HBP1: variants seen among roughly 807,000 people sequenced by gnomAD.
HBP1 encodes HMG-box transcription factor 1.
Under a neutral mutation model 62.6 loss-of-function variants are expected in HBP1, and 20 were observed. The ratio of observed to expected loss-of-function variants is 0.32; its 90% CI spans 0.22 to 0.46. HBP1 has a LOEUF of 0.46. Among genes scored for constraint, HBP1 ranks in the 20% least tolerant of loss-of-function variants. HBP1 has a pLI of 1.00. For missense variants in HBP1, 480 were observed against 611.8 expected (o/e 0.78, Z 2.27); for synonymous variants, 232 against 206.2 (o/e 1.12, Z -1.07).
chr7:107,170,632 G>T (rs1447444551), intron 1 of HBP1, among the ~76,000 whole-genome samples: 1 of 152,060 alleles, frequency 6.6e-6, no homozygotes, highest in Non-Finnish European at 1.5e-5. Context: ...CCACTTTAAA[G>T]CAAAATATTG....
Position 107,196,171 on chromosome 7 carries a change from T to A in HBP1, c.1385+20T>A, listed in dbSNP as rs558594358. ...TAACAGGTAAAAATAGTGATAATTCTGATTACAATAAATGAGTAACACTTC... is the reference window on the plus strand; with the variant it reads ...TAACAGGTAAAAATAGTGATAATTCAGATTACAATAAATGAGTAACACTTC... On this transcript the variant is annotated intron_variant, in intron 9 of 10. Coordinates refer to ENST00000222574, the MANE Select transcript of HBP1 (RefSeq NM_012257.4). 6 of 1,344,318 alleles carry A rather than the reference T, an allele frequency of 4.5e-6. No individual in the cohort carries two copies. In the South Asian group the frequency reaches 7.1e-5, roughly 16 times the overall value. 83.3% of individuals were successfully genotyped at this position (1,344,318 alleles called of 1,614,324 possible).
At chr7:107,201,240 C>T (rs1478468089) in intron 10 of HBP1, 174 bp from the exon 11 acceptor site, 2 of 466,226 alleles carry the variant, frequency 4.3e-6, no homozygotes, top group African/African-American at 4.0e-5. Context: ...TCATTGCATA[C>T]ATTTTCTGGA....
chr7:107,201,347 C>A, intron 10 of HBP1, 67 bp from the exon 11 acceptor site: 1 of 908,002 alleles, frequency 1.1e-6, no homozygotes, highest in Non-Finnish European at 1.8e-6. Flanking sequence ...TACATCTTAG[C>A]TTTCATATAT....
Position 107,200,164 on chromosome 7 carries a change from A to C in HBP1, c.1390A>C (p.Ile464Leu). ...GTGTAAATATTTATTTTACAGAGCC[A>C]TAAGTGTGATCCTTGGTGACAGGTG... ...QMYPGKDNRAISVILGDRWKK... is the reference protein window; with the variant it reads ...QMYPGKDNRALSVILGDRWKK... The change falls in exon 10 of 11, where the codon ATA (isoleucine) becomes CTA (leucine). Residue 464 changes from isoleucine (I) to leucine (L), a missense_variant. This residue lies in a region of HBP1 where 52 missense variants were observed against 96.0 expected (regional missense o/e 0.54). Transcript: ENST00000222574. The C allele has an allele frequency of 6.2e-7, 1 of 1,601,616 alleles. No individual in the cohort carries two copies. The highest frequency in any genetic ancestry group is 8.5e-7 in the Non-Finnish European group (1 of 1,174,118).
intron 10 of HBP1, 59 bp downstream of exon 10, chr7:107,200,360 C>T (rs1326702254): frequency 1.4e-6 from 2 of 1,413,306 alleles, no homozygotes; most frequent in Non-Finnish European, 9.8e-7. Context: ...GGTGTACTGG[C>T]ATGTTGGAGC....
intron 1 of HBP1, among the ~76,000 whole-genome samples, chr7:107,172,852 A>C (rs1301164363): frequency 6.6e-6 from 1 of 152,108 alleles, no homozygotes; most frequent in African/African-American, 2.4e-5. Context: ...TTGGTCTCCC[A>C]AAGTGCTGGC....
rs1798391829 is a variant in HBP1 at position 107,202,311 on chromosome 7, A to AGTCTTCC, written c.*880_*881insGTCTTCC. On this transcript the variant is annotated 3_prime_UTR_variant, in exon 11 of 11. Transcript: ENST00000222574. Reference sequence around the variant, plus strand: ...CACTTTAATTTTCCTCCAACTGTCTAAAATTAGAGCAAATACATTGGCAAT... The same window carrying AGTCTTCC: ...CACTTTAATTTTCCTCCAACTGTCTAGTCTTCCAAATTAGAGCAAATACATTGGCAAT... The AGTCTTCC allele has an allele frequency of 1.3e-5, 2 of 152,628 alleles. No individual in the cohort carries two copies. Among genetic ancestry groups the AGTCTTCC allele is most frequent in the Non-Finnish European group, 2.9e-5 (2 of 68,030 alleles). 9.5% of individuals were successfully genotyped at this position (152,628 alleles called of 1,614,324 possible).
Position 107,195,981 on chromosome 7 carries a change from A to G in HBP1, c.1215A>G (p.Ser405=). Residue 405 remains serine, a synonymous_variant, in exon 9 of 11, where the codon TCA becomes TCG. Coordinates refer to ENST00000222574, the MANE Select transcript of HBP1 (RefSeq NM_012257.4). ...GFSKNCGSPG[S]SQLSSNSLYA... is the part of the protein sequence containing the mutation. ...GTAAAAACTGTGGCTCACCTGGATCATCACAGCTCTCTTCCAATTCTTTGT... is the reference window on the plus strand; with the variant it reads ...GTAAAAACTGTGGCTCACCTGGATCGTCACAGCTCTCTTCCAATTCTTTGT... 6.2e-7 allele frequency: 1 copy of G among 1,614,156 alleles called. No individual in the cohort carries two copies. Among genetic ancestry groups the G allele is most frequent in the South Asian group, 1.1e-5 (1 of 91,086 alleles).
In HBP1 at chr7:107,179,980, T is replaced by TG; in HGVS notation, c.88dup (p.Asp30GlyfsTer9). ...TGGACAAGAGAGCCTCAGGAATGAA[T>TG]GACTCATTGGAGTTGCTGCAGTGTA... On this transcript the variant is annotated frameshift_variant, in exon 2 of 11. Coordinates refer to ENST00000222574, the MANE Select transcript of HBP1 (RefSeq NM_012257.4). LOFTEE classifies it high-confidence loss of function. The TG allele has an allele frequency of 6.2e-7, 1 of 1,611,774 alleles. No individual in the cohort carries two copies. Among genetic ancestry groups the TG allele is most frequent in the Non-Finnish European group, 8.5e-7 (1 of 1,178,046 alleles).
chr7:107,186,156 C>CTTTTTTTTTTTTT (rs946488645), intron 4 of HBP1, among the ~76,000 whole-genome samples: 4 of 127,272 alleles, frequency 3.1e-5, no homozygotes, highest in Admixed American at 1.6e-4. Context: ...TCTTTTTTTT[C>CTTTTTTTTTTTTT]TTTTTTTTTC....
At chr7:107,179,791 A>G (rs1797025775) in intron 1 of HBP1, 88 bp from the exon 2 acceptor site, 1 of 816,876 alleles carries the variant, frequency 1.2e-6, no homozygotes, top group Non-Finnish European at 1.9e-6. Context: ...ACAAAACAAC[A>G]TTGTCATGTC....
intron 10 of HBP1, 179 bp downstream of exon 10, chr7:107,200,480 G>A: frequency 2.3e-6 from 1 of 438,608 alleles, no homozygotes; most frequent in Non-Finnish European, 4.0e-6. Flanking sequence ...TTCCTCAAGG[G>A]TCATTTACTC....
Position 107,202,268 on chromosome 7 carries a change from A to AATTTCCCCTC in HBP1, c.*837_*838insATTTCCCCTC, listed in dbSNP as rs1798386203. Reference sequence around the variant, plus strand: ...TATGGTGGGGGCAGACTTTGCACTTACTGCAGTGCAACACTTGCACTTTAA... The same window carrying AATTTCCCCTC: ...TATGGTGGGGGCAGACTTTGCACTTAATTTCCCCTCCTGCAGTGCAACACTTGCACTTTAA... On this transcript the variant is annotated 3_prime_UTR_variant, in exon 11 of 11. Coordinates refer to ENST00000222574, the MANE Select transcript of HBP1 (RefSeq NM_012257.4). The AATTTCCCCTC allele has an allele frequency of 2.0e-5, 3 of 152,664 alleles. No individual in the cohort carries two copies. Among genetic ancestry groups the AATTTCCCCTC allele is most frequent in the Non-Finnish European group, 4.4e-5 (3 of 68,042 alleles). 9.5% of individuals were successfully genotyped at this position (152,664 alleles called of 1,614,324 possible). A position where few individuals can be genotyped will look rare whatever the true frequency, so the allele number is the denominator to read the frequency against.
intron 1 of HBP1, chr7:107,169,737 T>C (rs1478117344): frequency 2.0e-6 from 2 of 984,132 alleles, no homozygotes; most frequent in South Asian, 4.7e-5. Context: ...ATGAATGGGC[T>C]CCCAGGCGCC....
Position 107,179,908 on chromosome 7 carries a change from G to A in HBP1, c.15G>A (p.Val5=). 1 of 1,593,914 alleles carries A rather than the reference G, an allele frequency of 6.3e-7. No individual in the cohort carries two copies. The highest frequency in any genetic ancestry group is 8.6e-7 in the Non-Finnish European group (1 of 1,163,808). ...AGCACCATAACATGGTGTGGGAAGT[G>A]AAGACAAATCAGATGCCTAATGCAG... The part of the protein sequence containing the change: MVWE[V]KTNQMPNAVQ... The change falls in exon 2 of 11, where the codon GTG becomes GTA. Residue 5 remains valine (V), a synonymous_variant. Transcript: ENST00000222574.
intron 1 of HBP1, among the ~76,000 whole-genome samples, chr7:107,174,281 T>TA (rs1350709365): frequency 6.6e-6 from 1 of 152,208 alleles, no homozygotes; most frequent in Non-Finnish European, 1.5e-5. Flanking sequence ...AGCTTTACAG[T>TA]AGCAGAACTT....
At position 107,185,870 on chromosome 7, in the gene HBP1, C is replaced by G. The variant is rs910129292; in HGVS notation, c.468C>G (p.Ser156=). Residue 156 remains serine, a synonymous_variant, in exon 4 of 11, where the codon TCC becomes TCG. Coordinates refer to ENST00000222574, the MANE Select transcript of HBP1 (RefSeq NM_012257.4). ...CCTATGCACGCCCTCCACCAGTGTC[C>G]TCTTCTTCGAAGAGTGAACCAGCCT... ...LHSYARPPPV[S]SSSKSEPAFP... 1 of 1,612,528 alleles carries G rather than the reference C, an allele frequency of 6.2e-7. No homozygotes were observed. The highest frequency in any genetic ancestry group is 2.2e-5 in the East Asian group (1 of 44,876).
Position 107,169,155 on chromosome 7 carries a change from CCG to C in HBP1, c.-42_-41del. 1 of 1,173,678 alleles carries C rather than the reference CCG, an allele frequency of 8.5e-7. No homozygotes were observed. Among genetic ancestry groups the C allele is most frequent in the South Asian group, 1.5e-5 (1 of 65,818 alleles). The allele number at this position is 1,173,678 out of a possible 1,614,324, so 72.7% of individuals were successfully genotyped here. On this transcript the variant is annotated 5_prime_UTR_variant, in exon 1 of 11. Transcript: ENST00000222574. ...GTGGTGTTGTCGTGGCCGGAGCGGC[CCG>C]CGCCTGGGCTGCCGGCACTTCGCGG... is the stretch of plus-strand genomic sequence containing the variant.
In HBP1 at chr7:107,169,028, G is replaced by C. The variant is rs1350768196; in HGVS notation, c.-173G>C. The C allele has an allele frequency of 3.9e-6, 5 of 1,289,010 alleles. No homozygotes were observed. Among genetic ancestry groups the C allele is most frequent in the South Asian group, 2.5e-5 (2 of 80,942 alleles). 79.8% of individuals were successfully genotyped at this position (1,289,010 alleles called of 1,614,324 possible). ...AGACTTGGTAATGGCGACGGGTTTG[G>C]TAAGTAGGAAAGTTTCGGTTGAGGA... On this transcript the variant is annotated 5_prime_UTR_variant, in exon 1 of 11. Transcript: ENST00000222574.
Sources: gnomAD v4.1 joint callset for allele counts (sites outside exome capture counted in the v4.1 genomes callset) on GRCh38, gnomAD v4.1.1 for gene constraint, gnomAD v4.1.1 regional missense constraint, MANE v1.5 for transcripts, NCBI Gene and HGNC (gene_info 2026-07-23, HGNC 2026-07-21) for gene names.